The following NXN variants were observed in gnomAD, a reference collection of about 807,000 sequenced individuals.
NXN encodes nucleoredoxin 1.
Under a neutral mutation model 48.6 loss-of-function variants are expected in NXN, and 16 were observed. The observed-to-expected ratio is 0.33, with a 90% CI of 0.22 to 0.50. The LOEUF is 0.50. NXN is among the 20% of genes least tolerant of loss of function. The probability of loss-of-function intolerance (pLI) is 0.98; values close to 1 mark genes in which losing one functional copy is unlikely to be tolerated. For synonymous variants in NXN, 281 were observed against 269.6 expected (o/e 1.04, Z -0.41); for missense variants, 492 against 605.5 (o/e 0.81, Z 1.97).
At chr17:899,209 C>T (rs1375091507) in intron 1 of NXN, among the ~76,000 whole-genome samples, 2 of 152,130 alleles carry the variant, frequency 1.3e-5, no homozygotes, top group Non-Finnish European at 2.9e-5. Context: ...CCACCCGCCT[C>T]GGCCTCCCAA....
chr17:817,835 T>C (rs2144627505), intron 5 of NXN, among the ~76,000 whole-genome samples: 1 of 152,222 alleles, frequency 6.6e-6, no homozygotes, highest in East Asian at 1.9e-4. Flanking sequence ...CCACTAATGA[T>C]ACAAAGAGAA....
intron 1 of NXN, among the ~76,000 whole-genome samples, chr17:911,596 T>G (rs1337178144): frequency 6.6e-6 from 1 of 151,864 alleles, no homozygotes; most frequent in Admixed American, 6.6e-5. Flanking sequence ...CCCAAAGTAT[T>G]GGGATTACAG....
rs527907458 is a variant in NXN at position 914,862 on chromosome 17, T to A, written c.360+64457A>T. Among the ~76,000 whole-genome samples the A allele has an allele frequency of 6.6e-5, 10 of 152,106 alleles. 1 individual carries two copies. In the South Asian group the frequency reaches 2.1e-3, roughly 32 times the overall value. ...GCGTGGAACCAACAGCACAGGCAAA[T>A]AAAGCAAGCAAGTGAGATGAGTTTT... is the stretch of plus-strand genomic sequence containing the variant. On this transcript the variant is annotated intron_variant, in intron 1 of 7. Coordinates refer to ENST00000336868, the MANE Select transcript of NXN (RefSeq NM_022463.5).
intron 1 of NXN, among the ~76,000 whole-genome samples, chr17:853,723 A>ATATATATATATATATT (rs1491528474): frequency 2.8e-3 from 300 of 105,900 alleles, no homozygotes; most frequent in Middle Eastern, 0.014. Context: ...ATATATATAT[A>ATATATATATATATATT]TTTTTTTTTT....
chr17:826,150 T>G (rs1597634429), intron 1 of NXN, 72 bp from the exon 2 acceptor site: 4 of 982,376 alleles, frequency 4.1e-6, no homozygotes. Flanking sequence ...TTGAGCCCCT[T>G]AGGTCTGGAG....
chr17:835,797 C>G (rs1280734515), intron 1 of NXN, among the ~76,000 whole-genome samples: 1 of 6,272 alleles, frequency 1.6e-4, no homozygotes, highest in Non-Finnish European at 3.4e-4. Context: ...ATTCGTCAGC[C>G]TCATAGAGGC....
At chr17:882,010 T>C (rs2068289816) in intron 1 of NXN, among the ~76,000 whole-genome samples, 1 of 152,086 alleles carries the variant, frequency 6.6e-6, no homozygotes, top group South Asian at 2.1e-4. Context: ...TTGGTCTTGT[T>C]TGGATAATTG....
intron 1 of NXN, among the ~76,000 whole-genome samples, chr17:840,107 A>AG (rs1555612553): frequency 4.4e-4 from 60 of 137,646 alleles, no homozygotes; most frequent in African/African-American, 1.3e-3. Context: ...AAAAAAAAAA[A>AG]AGAGAGAGAG....
At chr17:959,556 G>A (rs1450450287) in intron 1 of NXN, among the ~76,000 whole-genome samples, 4 of 151,892 alleles carry the variant, frequency 2.6e-5, no homozygotes, top group Non-Finnish European at 4.4e-5. Context: ...CAGCACTTTC[G>A]GAGGCTGAGG....
chr17:864,835 C>T (rs1486535291), intron 1 of NXN, among the ~76,000 whole-genome samples: 1 of 152,162 alleles, frequency 6.6e-6, no homozygotes, highest in Non-Finnish European at 1.5e-5. Flanking sequence ...GCAACCCAGG[C>T]GGTGTTCTGT....
rs112706019 is a variant in NXN, at chr17:842,444, G to A, written c.361-16366C>T. 89 of 895,888 alleles carry A rather than the reference G, an allele frequency of 9.9e-5. No homozygotes were observed. The African/African-American group carries it at 1.2e-3, about 13-fold the overall frequency. 55.5% of individuals were successfully genotyped at this position (895,888 alleles called of 1,614,324 possible). The stretch of plus-strand genomic sequence containing the variant: ...GGGTCCGGCTGTGGGCTGCAGTTCC[G>A]TGATCCCGGCGGGGAAGGCCACGTG... On this transcript the variant is annotated intron_variant, in intron 1 of 7. Coordinates refer to ENST00000336868, the MANE Select transcript of NXN (RefSeq NM_022463.5).
chr17:835,771 G>A (rs182779338), intron 1 of NXN, among the ~76,000 whole-genome samples: 73 of 35,604 alleles, frequency 2.1e-3, no homozygotes, highest in Middle Eastern at 0.022. Context: ...GGCCGCAGGG[G>A]AAAAACACCG....
intron 1 of NXN, among the ~76,000 whole-genome samples, chr17:841,552 AGCAGGT>A (rs2144712134): frequency 2.7e-5 from 2 of 74,444 alleles, no homozygotes; most frequent in East Asian, 7.1e-4. Flanking sequence ...CACGCCGGCG[AGCAGGT>A]CCCCCCTGAC....
chr17:839,843 TC>T (rs1303131923), intron 1 of NXN, among the ~76,000 whole-genome samples: 1 of 122,128 alleles, frequency 8.2e-6, no homozygotes, highest in Admixed American at 8.6e-5. Context: ...ACACCTATAA[TC>T]CCAGCACTTT....
Position 852,927 on chromosome 17 carries a change from C to G in NXN, c.361-26849G>C, listed in dbSNP as rs528762134. Among the ~76,000 whole-genome samples the G allele has an allele frequency of 2.6e-5, 4 of 152,260 alleles. No individual in the cohort carries two copies. In the East Asian group the frequency reaches 5.8e-4, roughly 22 times the overall value. ...AGGGACTCATGCAGATTTCCAGGCCCCACCTCTGACCCACTGGATCTGACC... is the reference window on the plus strand; with the variant it reads ...AGGGACTCATGCAGATTTCCAGGCCGCACCTCTGACCCACTGGATCTGACC... On this transcript the variant is annotated intron_variant, in intron 1 of 7. Transcript: ENST00000336868.
rs539841371 is a variant in NXN at position 886,887 on chromosome 17, C to T, written c.361-60809G>A. ...GATCTCATTCTATTGTTTATCCTAA[C>T]ATTTTTGCCTGACAGTCTGGATAAA... On this transcript the variant is annotated intron_variant, in intron 1 of 7. Coordinates refer to ENST00000336868, the MANE Select transcript of NXN (RefSeq NM_022463.5). Among the ~76,000 whole-genome samples the T allele has an allele frequency of 2.6e-4, 39 of 152,000 alleles. No individual in the cohort carries two copies. The South Asian group carries it at 5.4e-3, about 21-fold the overall frequency.
Position 958,692 on chromosome 17 carries a change from G to A in NXN, c.360+20627C>T, listed in dbSNP as rs1346658842. Among the ~76,000 whole-genome samples, 1 of 152,072 alleles carries A rather than the reference G, an allele frequency of 6.6e-6. No individual in the cohort carries two copies. The highest frequency in any genetic ancestry group is 6.6e-5 in the Admixed American group (1 of 15,240). On this transcript the variant is annotated intron_variant, in intron 1 of 7. Coordinates refer to ENST00000336868, the MANE Select transcript of NXN (RefSeq NM_022463.5). The surrounding 1 kb of genome is among the most constrained non-coding windows in gnomAD (Gnocchi z 6.9). Reference sequence around the variant, plus strand: ...AGGCTGAGGCAGGAGAATCACCGAGGCGGAGGTAGAAGTGAGCCCAGATTG... The same window carrying A: ...AGGCTGAGGCAGGAGAATCACCGAGACGGAGGTAGAAGTGAGCCCAGATTG...
Position 823,697 on chromosome 17 carries a change from C to T in NXN, c.547G>A (p.Gly183Arg). Residue 183 changes from glycine to arginine, a missense_variant, in exon 3 of 8, where the codon GGG becomes AGG. By Grantham distance (125) the Gly-to-Arg change is moderately radical. Coordinates refer to ENST00000336868, the MANE Select transcript of NXN (RefSeq NM_022463.5). ...VIAGPLLRNN[G>R]QSLESSSLEG... is the part of the protein sequence containing the mutation. Reference sequence around the variant, plus strand: ...AGGCTGCTGCTCTCCAGAGACTGCCCATTGTTTCTAAGCAAGGGCCCTGCA... The same window carrying T: ...AGGCTGCTGCTCTCCAGAGACTGCCTATTGTTTCTAAGCAAGGGCCCTGCA... 2 of 1,614,106 alleles carry T rather than the reference C, an allele frequency of 1.2e-6. No homozygotes were observed. The highest frequency in any genetic ancestry group is 1.1e-5 in the South Asian group (1 of 91,070).
intron 1 of NXN, among the ~76,000 whole-genome samples, chr17:948,080 G>A (rs940095305): frequency 2.6e-5 from 4 of 151,290 alleles, no homozygotes; most frequent in African/African-American, 9.7e-5. Flanking sequence ...TCAGTAAAAA[G>A]AATTTTTTAA....
Sources: allele counts gnomAD v4.1 joint callset (sites outside exome capture counted in the v4.1 genomes callset), GRCh38; gene constraint gnomAD v4.1.1; non-coding constraint Gnocchi (gnomAD v3.1); transcripts MANE v1.5; gene names NCBI Gene and HGNC (gene_info 2026-07-23, HGNC 2026-07-21).